NECAP2: variants seen among roughly 807,000 people sequenced by gnomAD.
NECAP2 encodes the protein adaptin ear-binding coat-associated protein 2.
A neutral mutation model predicts 37.8 loss-of-function variants in NECAP2; 38 were observed. The ratio of observed to expected loss-of-function variants is 1.01; its 90% CI spans 0.78 to 1.32. NECAP2 has a LOEUF of 1.32. Ranked by LOEUF, NECAP2 falls within the 40% of genes most tolerant of loss-of-function variation. The pLI is 0.00. For missense variants in NECAP2, 316 were observed against 334.5 expected, an observed-to-expected ratio of 0.94 and a Z score of 0.43; for synonymous variants, 121 against 127.7, an observed-to-expected ratio of 0.95 and a Z score of 0.35.
intron 6 of NECAP2, among the ~76,000 whole-genome samples, chr1:16,453,658 T>G (rs1264774782): frequency 6.6e-6 from 1 of 151,910 alleles, no homozygotes; most frequent in East Asian, 1.9e-4. Context: ...CCAGCTAAGT[T>G]TTGTATTTTT....
chr1:16,449,065 C>T (rs780872989), intron 4 of NECAP2, 28 bp from the exon 5 acceptor site: 96 of 1,515,688 alleles, frequency 6.3e-5, no homozygotes, highest in Non-Finnish European at 8.6e-5. Flanking sequence ...CTTCCTTCCT[C>T]ACCTTTTTCC....
rs1366530170 is a variant in NECAP2, at chr1:16,451,928, G to C, written c.580G>C (p.Gly194Arg). 6.2e-7 allele frequency: 1 copy of C among 1,613,968 alleles called. No homozygotes were observed. The highest frequency in any genetic ancestry group is 8.5e-7 in the Non-Finnish European group (1 of 1,179,908). ...GAGCCTGCTTCCCCCTCCCCCAGGG[G>C]GGAAAACCTCCACCCTGATCCCTCC... is the stretch of plus-strand genomic sequence containing the variant. Reference protein sequence around the residue: ...GLSLLPPPPGGKTSTLIPPPG... With the variant: ...GLSLLPPPPGRKTSTLIPPPG... The change falls in exon 6 of 8, where the codon GGG (glycine) becomes CGG (arginine). Residue 194 changes from glycine (G) to arginine (R), a missense_variant. This residue lies in a region of NECAP2 where 204 missense variants were observed against 188.6 expected (regional missense o/e 1.08). Transcript: ENST00000337132.
chr1:16,452,133 C>A, intron 6 of NECAP2, 118 bp downstream of exon 6: 1 of 1,066,958 alleles, frequency 9.4e-7, no homozygotes, highest in Non-Finnish European at 1.3e-6. Flanking sequence ...AGTACCTGTC[C>A]GTGTCAAAGA....
At chr1:16,449,328 C>T (rs2086808496) in intron 5 of NECAP2, 127 bp downstream of exon 5, 1 of 644,404 alleles carries the variant, frequency 1.6e-6, no homozygotes, top group Admixed American at 2.8e-5. Flanking sequence ...CTGCCTTGTG[C>T]CAGGTCCTGC....
intron 5 of NECAP2, chr1:16,451,336 G>A (rs2086839319): frequency 6.5e-6 from 1 of 154,310 alleles, no homozygotes; most frequent in African/African-American, 2.4e-5. Context: ...TAATGCTGCT[G>A]TAGATGTTTG....
chr1:16,447,312 G>GGCT (rs952787351), intron 2 of NECAP2, among the ~76,000 whole-genome samples: 2 of 3,184 alleles, frequency 6.3e-4, no homozygotes, highest in Non-Finnish European at 8.6e-4. Context: ...GTTTCACAAG[G>GGCT]GCTTTTAAAG....
intron 7 of NECAP2, among the ~76,000 whole-genome samples, 184 bp downstream of exon 7, chr1:16,456,077 G>A (rs990433358): frequency 3.3e-5 from 5 of 149,750 alleles, no homozygotes; most frequent in Non-Finnish European, 7.4e-5. Context: ...AGGCTGGAGT[G>A]CAATGGCATG....
At chr1:16,453,072 C>T (rs937100265) in intron 6 of NECAP2, among the ~76,000 whole-genome samples, 2 of 149,714 alleles carry the variant, frequency 1.3e-5, no homozygotes, top group Non-Finnish European at 3.0e-5. Context: ...GCTTTGGCAT[C>T]GCTGGGGGAT....
intron 2 of NECAP2, 52 bp from the exon 3 acceptor site, chr1:16,447,818 T>C: frequency 6.6e-7 from 1 of 1,505,082 alleles, no homozygotes; most frequent in South Asian, 1.1e-5. Context: ...GTAGAAAACC[T>C]TGGCTGGAAG....
At chr1:16,447,144 A>G (rs2086775631) in intron 2 of NECAP2, among the ~76,000 whole-genome samples, 1 of 152,146 alleles carries the variant, frequency 6.6e-6, no homozygotes, top group African/African-American at 2.4e-5. Flanking sequence ...TGCTGGGACC[A>G]TACCCACTCC....
chr1:16,451,187 TGA>T (rs1173542203), intron 5 of NECAP2: 1 of 152,276 alleles, frequency 6.6e-6, no homozygotes, highest in Non-Finnish European at 1.5e-5. Flanking sequence ...GTAATTTTTG[TGA>T]GAGTCATCCA....
intron 6 of NECAP2, 36 bp downstream of exon 6, chr1:16,452,051 T>G: frequency 6.6e-7 from 1 of 1,519,676 alleles, no homozygotes; most frequent in Non-Finnish European, 8.8e-7. Flanking sequence ...CATCAGTACC[T>G]GCCGGCTCCT....
At chr1:16,444,004 G>T (rs2100944539) in intron 2 of NECAP2, among the ~76,000 whole-genome samples, 1 of 152,318 alleles carries the variant, frequency 6.6e-6, no homozygotes, top group South Asian at 2.1e-4. Context: ...ACCGCAGCTT[G>T]GTCCTGGTAG....
At chr1:16,448,759 A>T (rs777394064) in intron 4 of NECAP2, among the ~76,000 whole-genome samples, 29 of 152,076 alleles carry the variant, frequency 1.9e-4, no homozygotes, top group Non-Finnish European at 3.5e-4. Context: ...TTCTCATGTC[A>T]TATACTGTAG....
chr1:16,442,432 G>T (rs992438610), intron 1 of NECAP2, among the ~76,000 whole-genome samples: 1 of 152,194 alleles, frequency 6.6e-6, no homozygotes, highest in African/African-American at 2.4e-5. Context: ...CTCAGGCCTG[G>T]TAAGAGGAAC....
At position 16,448,140 on chromosome 1, in the gene NECAP2, A is replaced by G. The variant is rs1232140926; in HGVS notation, c.379A>G (p.Lys127Glu). The part of the protein sequence containing the change: ...DFNVALQDHF[K>E]WVKQQCEFAK... ...CAATGTTGCATTGCAGGACCATTTC[A>G]AGTGAGTGGGTCTGGGAGACACACG... Residue 127 changes from lysine to glutamate, a missense_variant and splice_region_variant, in exon 4 of 8, where the codon AAG becomes GAG. Transcript: ENST00000337132. The G allele has an allele frequency of 1.2e-5, 19 of 1,613,728 alleles. No homozygotes were observed. The highest frequency in any genetic ancestry group is 1.6e-5 in the Non-Finnish European group (19 of 1,179,792).
At chr1:16,449,458 C>T in intron 5 of NECAP2, 1 of 431,598 alleles carries the variant, frequency 2.3e-6, no homozygotes, top group Non-Finnish European at 4.1e-6. Flanking sequence ...GCCCTGGGTG[C>T]CGTGGGCTCC....
At chr1:16,452,049 C>A in intron 6 of NECAP2, 34 bp downstream of exon 6, 1 of 1,519,508 alleles carries the variant, frequency 6.6e-7, no homozygotes, top group Non-Finnish European at 8.8e-7. Context: ...TGCATCAGTA[C>A]CTGCCGGCTC....
intron 5 of NECAP2, chr1:16,449,918 A>G (rs1056205742): frequency 2.5e-5 from 6 of 242,864 alleles, no homozygotes; most frequent in South Asian, 1.3e-4. Context: ...CCTGGCTGCA[A>G]GGGTGGAGAG....
Sources: allele counts gnomAD v4.1 joint callset (sites outside exome capture counted in the v4.1 genomes callset), GRCh38; gene constraint gnomAD v4.1.1; regional missense constraint gnomAD v4.1.1; transcripts MANE v1.5; gene names NCBI Gene and HGNC (gene_info 2026-07-23, HGNC 2026-07-21).